The following GABRB1 variants were observed in gnomAD, a reference collection of about 807,000 sequenced individuals.
The protein encoded by GABRB1 is gamma-aminobutyric acid type A receptor subunit beta1.
A neutral mutation model predicts 51.6 loss-of-function variants in GABRB1; 17 were observed. The observed-to-expected ratio is 0.33, with a 90% confidence interval of 0.23 to 0.49. The LOEUF (loss-of-function observed/expected upper bound fraction) is 0.49. GABRB1 is among the 20% of genes least tolerant of loss of function. The pLI is 0.99. For synonymous variants in GABRB1, 247 were observed against 218.9 expected (o/e 1.13, Z -1.14); for missense variants, 410 against 600.6 (o/e 0.68, Z 3.32).
chr4:47,089,256 G>A (rs1291239954), intron 3 of GABRB1, among the ~76,000 whole-genome samples: 2 of 152,212 alleles, frequency 1.3e-5, no homozygotes, highest in African/African-American at 2.4e-5. Flanking sequence ...TTTTACTACC[G>A]AGGGTGAGTT....
chr4:47,052,364 C>T (rs1157883008), intron 3 of GABRB1, among the ~76,000 whole-genome samples: 2 of 152,186 alleles, frequency 1.3e-5, no homozygotes, highest in African/African-American at 4.8e-5. Flanking sequence ...CCTGTAGGAT[C>T]TCCTTCTGAG....
At chr4:47,113,927 G>T (rs1715352879) in intron 3 of GABRB1, among the ~76,000 whole-genome samples, 1 of 152,160 alleles carries the variant, frequency 6.6e-6, no homozygotes, top group South Asian at 2.1e-4. Flanking sequence ...ACCTATAGTT[G>T]AGTAGGATCT....
Position 47,322,970 on chromosome 4 carries a change from AAAC to A in GABRB1, c.544+2788_544+2790del, listed in dbSNP as rs58096811. The stretch of plus-strand genomic sequence containing the variant: ...TGTGACAGAGTGAGACTCCATTTCA[AAAC>A]AACAACAACAACAACAACAACAACA... On this transcript the variant is annotated intron_variant, in intron 5 of 8. Transcript: ENST00000295454. Among the ~76,000 whole-genome samples the A allele has an allele frequency of 2.9e-3, 437 of 150,134 alleles. 2 individuals carry two copies. Among genetic ancestry groups the A allele is most frequent in the African/African-American group, 8.2e-3 (334 of 40,772 alleles).
At chr4:47,059,326 G>C (rs951866669) in intron 3 of GABRB1, among the ~76,000 whole-genome samples, 2 of 152,124 alleles carry the variant, frequency 1.3e-5, no homozygotes, top group Admixed American at 1.3e-4. Flanking sequence ...CCTTTAACTT[G>C]TCTAGTTTTA....
In GABRB1 at chr4:47,406,834, A is replaced by G. The variant is rs1170901978; in HGVS notation, c.988A>G (p.Ile330Val). ...GCTGGAGTATGCCTTTGTAAATTAC[A>G]TCTTCTTTGGGAAAGGCCCTCAGAA... is the stretch of plus-strand genomic sequence containing the variant. Reference protein sequence around the residue: ...ALLEYAFVNYIFFGKGPQKKG... With the variant: ...ALLEYAFVNYVFFGKGPQKKG... The change falls in exon 8 of 9, where the codon ATC (isoleucine) becomes GTC (valine). Residue 330 changes from isoleucine (I) to valine (V), a missense_variant. Physicochemically the swap from Ile to Val is conservative, Grantham distance 29 (BLOSUM62 3). Around this residue, in one of 5 missense-constraint regions of GABRB1, gnomAD observed 181 missense variants for 195.6 expected, o/e 0.93. Coordinates refer to ENST00000295454, the MANE Select transcript of GABRB1 (RefSeq NM_000812.4). The G allele has an allele frequency of 6.2e-7, 1 of 1,614,172 alleles. No individual in the cohort carries two copies. The highest frequency in any genetic ancestry group is 1.7e-5 in the Admixed American group (1 of 60,026).
intron 3 of GABRB1, among the ~76,000 whole-genome samples, chr4:47,101,755 C>A (rs563118084): frequency 3.3e-5 from 5 of 152,114 alleles, no homozygotes; most frequent in South Asian, 4.1e-4. Context: ...AAATACATTT[C>A]TATTTTGAGA....
At chr4:47,009,105 C>A (rs1236708922) in intron 1 of GABRB1, among the ~76,000 whole-genome samples, 1 of 149,606 alleles carries the variant, frequency 6.7e-6, no homozygotes, top group East Asian at 2.0e-4. Context: ...ACCTCATGAT[C>A]CACCCACCTC....
intron 5 of GABRB1, among the ~76,000 whole-genome samples, chr4:47,340,980 C>T (rs1302903707): frequency 3.3e-5 from 5 of 152,180 alleles, no homozygotes; most frequent in African/African-American, 9.6e-5. Context: ...AGGAGCAAGC[C>T]ACACAGCCAG....
chr4:47,265,151 G>A (rs1722602361), intron 4 of GABRB1, among the ~76,000 whole-genome samples: 1 of 151,992 alleles, frequency 6.6e-6, no homozygotes, highest in African/African-American at 2.4e-5. Context: ...TCCACTCTGT[G>A]TACATGTGTA....
rs148540164 is a variant in GABRB1, at chr4:47,093,220, G to A, written c.240+60736G>A. On this transcript the variant is annotated intron_variant, in intron 3 of 8. Coordinates refer to ENST00000295454, the MANE Select transcript of GABRB1 (RefSeq NM_000812.4). ...ATTGACCTGTATTATTTTTAGATGC[G>A]TGTGACTAACCACCACTGAAACGAA... 1.7e-3 allele frequency among the ~76,000 whole-genome samples: 262 copies of A among 152,230 alleles called. 1 individual carries two copies. The highest frequency in any genetic ancestry group is 2.7e-3 in the Non-Finnish European group (186 of 68,032).
chr4:47,168,089 G>A (rs1718276273), intron 4 of GABRB1, among the ~76,000 whole-genome samples: 1 of 152,088 alleles, frequency 6.6e-6, no homozygotes, highest in African/African-American at 2.4e-5. Context: ...TGTACATACA[G>A]TATCATTTTA....
intron 3 of GABRB1, among the ~76,000 whole-genome samples, chr4:47,069,121 C>T (rs1727205118): frequency 6.6e-6 from 1 of 152,284 alleles, no homozygotes; most frequent in South Asian, 2.1e-4. Flanking sequence ...CAGCACTGAA[C>T]CAGGATGCTT....
chr4:47,204,999 G>T (rs1720056090), intron 4 of GABRB1, among the ~76,000 whole-genome samples: 1 of 152,094 alleles, frequency 6.6e-6, no homozygotes, highest in African/African-American at 2.4e-5. Context: ...ACCTGTTGGG[G>T]CTTCAGAGGC....
chr4:47,074,726 C>A (rs937576836), intron 3 of GABRB1, among the ~76,000 whole-genome samples: 1 of 152,002 alleles, frequency 6.6e-6, no homozygotes. Flanking sequence ...TTGAGCCTTA[C>A]CTAGCATGCG....
At chr4:47,284,619 C>T (rs1409505713) in intron 4 of GABRB1, among the ~76,000 whole-genome samples, 4 of 152,124 alleles carry the variant, frequency 2.6e-5, no homozygotes, top group Non-Finnish European at 4.4e-5. Flanking sequence ...AGTGTTATAT[C>T]GCTTTTCGTA....
chr4:47,384,450 T>TAAAAC (rs1727713873), intron 5 of GABRB1, among the ~76,000 whole-genome samples: 1 of 149,682 alleles, frequency 6.7e-6, no homozygotes, highest in African/African-American at 2.5e-5. Context: ...TGAATTTAAA[T>TAAAAC]AAAACAAAAC....
chr4:47,257,698 A>G (rs1344427285), intron 4 of GABRB1, among the ~76,000 whole-genome samples: 1 of 152,080 alleles, frequency 6.6e-6, no homozygotes, highest in Non-Finnish European at 1.5e-5. Context: ...GAGTCAGGAA[A>G]AAAAAAAAAC....
intron 5 of GABRB1, among the ~76,000 whole-genome samples, chr4:47,363,140 A>G (rs1726865780): frequency 6.6e-6 from 1 of 152,106 alleles, no homozygotes; most frequent in African/African-American, 2.4e-5. Context: ...ATTTATTGAG[A>G]GATTACAATG....
At chr4:47,373,594 C>T (rs543908149) in intron 5 of GABRB1, among the ~76,000 whole-genome samples, 3 of 152,272 alleles carry the variant, frequency 2.0e-5, no homozygotes, top group Admixed American at 1.3e-4. Flanking sequence ...TTAAAGAAAA[C>T]CCTTGATTAG....
Sources: gnomAD v4.1 joint callset for allele counts (sites outside exome capture counted in the v4.1 genomes callset) on GRCh38, gnomAD v4.1.1 for gene constraint, gnomAD v4.1.1 regional missense constraint, MANE v1.5 for transcripts, NCBI Gene and HGNC (gene_info 2026-07-23, HGNC 2026-07-21) for gene names.